CYFIP1: variants seen among roughly 807,000 people sequenced by gnomAD.
The protein encoded by CYFIP1 is cytoplasmic FMR1-interacting protein 1.
In CYFIP1, 58 loss-of-function variants were observed where a neutral mutation model predicts 163.5. That is an observed-to-expected ratio of 0.35 (90% CI 0.29 to 0.44). The LOEUF (loss-of-function observed/expected upper bound fraction) is 0.44, where lower values mean the gene tolerates loss of function less well. CYFIP1 is among the 20% of genes least tolerant of loss of function. The pLI, the probability that CYFIP1 is intolerant of heterozygous loss-of-function variation, is 1.00. For missense variants in CYFIP1, 1,338 were observed against 1,653.8 expected, an observed-to-expected ratio of 0.81 and a Z score of 3.31; for synonymous variants, 663 against 660.7, an observed-to-expected ratio of 1.00 and a Z score of -0.05.
chr15:22,893,040 A>C, intron 22 of CYFIP1, 63 bp from the exon 23 acceptor site: 7 of 1,237,940 alleles, frequency 5.7e-6, no homozygotes, highest in Non-Finnish European at 8.2e-6. Flanking sequence ...TTTAAAATTC[A>C]GAAGTCCTCC....
At chr15:22,977,092 G>A (rs192710352) in intron 1 of CYFIP1, among the ~76,000 whole-genome samples, 241 of 152,132 alleles carry the variant, frequency 1.6e-3, no homozygotes, top group Non-Finnish European at 2.4e-3. Context: ...CCAGCTACTC[G>A]GGAGGCTGAG....
Position 22,943,182 on chromosome 15 carries a change from G to A in CYFIP1, c.560C>T (p.Ala187Val). ...MKCSVKNDHS[A>V]YKRAAQFLRK... The stretch of plus-strand genomic sequence containing the variant: ...CGAGGTGGGTGCTCACCTCTTGTAC[G>A]CTGAGTGGTCGTTCTTCACACTGCA... Residue 187 changes from alanine to valine, a missense_variant, in exon 6 of 31, where the codon GCG becomes GTG. By Grantham distance (64) the Ala-to-Val change is moderately conservative. Around this residue, in one of 4 missense-constraint regions of CYFIP1, gnomAD observed 186 missense variants for 288.3 expected, o/e 0.65. Coordinates refer to ENST00000617928, the MANE Select transcript of CYFIP1 (RefSeq NM_014608.6). The A allele has an allele frequency of 2.5e-6, 4 of 1,614,046 alleles. No individual in the cohort carries two copies. Among genetic ancestry groups the A allele is most frequent in the Non-Finnish European group, 3.4e-6 (4 of 1,179,948 alleles).
chr15:22,903,855 G>T lies in CYFIP1; in HGVS notation c.2439C>A (p.Ser813Arg), dbSNP rs776420822. ...CGAAGCCGTCCAGCGTCAGGTACCG[G>T]CTCAGCAGCTTGTGGGTCATGCGGT... is the stretch of plus-strand genomic sequence containing the variant. The part of the protein sequence containing the change: ...EINRMTHKLL[S>R]RYLTLDGFDA... The change falls in exon 22 of 31, where the codon AGC becomes AGA. Residue 813 changes from serine to arginine, a missense_variant. Coordinates refer to ENST00000617928, the MANE Select transcript of CYFIP1 (RefSeq NM_014608.6). 1.1e-5 allele frequency: 17 copies of T among 1,614,068 alleles called. No individual in the cohort carries two copies. Among genetic ancestry groups the T allele is most frequent in the Non-Finnish European group, 1.4e-5 (17 of 1,180,042 alleles).
chr15:22,975,663 G>GCAGGAGA (rs2063245092), intron 1 of CYFIP1, among the ~76,000 whole-genome samples: 2 of 152,124 alleles, frequency 1.3e-5, no homozygotes, highest in African/African-American at 4.8e-5. Flanking sequence ...GGAGGCTGAG[G>GCAGGAGA]CAGGAGAATG....
intron 22 of CYFIP1, among the ~76,000 whole-genome samples, chr15:22,901,851 C>T (rs755298507): frequency 2.6e-5 from 4 of 152,238 alleles, no homozygotes; most frequent in Non-Finnish European, 5.9e-5. Flanking sequence ...TCCCAGATAA[C>T]ACAGCTCTCC....
intron 1 of CYFIP1, among the ~76,000 whole-genome samples, chr15:22,952,538 C>A (rs527505484): frequency 1.3e-5 from 2 of 151,088 alleles, no homozygotes; most frequent in South Asian, 4.2e-4. Context: ...GCCTGTAATC[C>A]CAGCTACTCA....
At chr15:22,897,069 C>T (rs1595542135) in intron 22 of CYFIP1, among the ~76,000 whole-genome samples, 1 of 151,976 alleles carries the variant, frequency 6.6e-6, no homozygotes, top group Non-Finnish European at 1.5e-5. Context: ...AAAAGTTAGC[C>T]AGGCGTGGTG....
Position 22,926,114 on chromosome 15 carries a change from T to C in CYFIP1, c.1234-7A>G. 1 of 1,614,104 alleles carries C rather than the reference T, an allele frequency of 6.2e-7. No individual in the cohort carries two copies. Among genetic ancestry groups the C allele is most frequent in the Middle Eastern group, 1.6e-4 (1 of 6,062 alleles). On this transcript the variant is annotated splice_polypyrimidine_tract_variant and splice_region_variant and intron_variant, in intron 12 of 30. Transcript: ENST00000617928. ...GCACAAGCTTCCAGGAATACTGTGG[T>C]GGCCGAAAGAGCAGAGGTGTTCCAT...
At chr15:22,875,923 G>A (rs1379304170) in intron 26 of CYFIP1, among the ~76,000 whole-genome samples, 1 of 123,456 alleles carries the variant, frequency 8.1e-6, no homozygotes, top group Non-Finnish European at 1.8e-5. Context: ...CCAGGATCAT[G>A]AGGACAGCAG....
chr15:22,870,949 T>C (rs901461925), intron 30 of CYFIP1, among the ~76,000 whole-genome samples: 1 of 152,092 alleles, frequency 6.6e-6, no homozygotes, highest in Admixed American at 6.5e-5. Context: ...TTTGAAAAGC[T>C]GGTTCTACCT....
In CYFIP1 at chr15:22,903,811, G is replaced by C. The variant is rs1595557665; in HGVS notation, c.2483C>G (p.Ala828Gly). 2 of 1,614,210 alleles carry C rather than the reference G, an allele frequency of 1.2e-6. No homozygotes were observed. Among genetic ancestry groups the C allele is most frequent in the African/African-American group, 2.7e-5 (2 of 75,054 alleles). The change falls in exon 22 of 31, where the codon GCC becomes GGC. Residue 828 changes from alanine (A) to glycine (G), a missense_variant. By Grantham distance (60) the Ala-to-Gly change is moderately conservative (BLOSUM62 0). Coordinates refer to ENST00000617928, the MANE Select transcript of CYFIP1 (RefSeq NM_014608.6). Reference sequence around the variant, plus strand: ...GTAGGGCGCTGACACGTTGTGGTTGGCCTCCCGGAACATGGCGTCGAAGCC... The same window carrying C: ...GTAGGGCGCTGACACGTTGTGGTTGCCCTCCCGGAACATGGCGTCGAAGCC... The part of the protein sequence containing the change: ...LDGFDAMFRE[A>G]NHNVSAPYGR...
intron 22 of CYFIP1, among the ~76,000 whole-genome samples, chr15:22,893,423 T>C (rs1051013719): frequency 3.9e-5 from 6 of 152,204 alleles, no homozygotes; most frequent in Non-Finnish European, 7.4e-5. Flanking sequence ...AGATTGTGTC[T>C]TGATAATGGA....
chr15:22,933,218 G>A (rs2142233715), intron 10 of CYFIP1, among the ~76,000 whole-genome samples: 1 of 152,194 alleles, frequency 6.6e-6, no homozygotes, highest in East Asian at 1.9e-4. Context: ...GATGATGAAA[G>A]TGTTCTGTAT....
At chr15:22,937,271 G>C in intron 8 of CYFIP1, 63 bp from the exon 9 acceptor site, 1 of 945,470 alleles carries the variant, frequency 1.1e-6, no homozygotes, top group Non-Finnish European at 1.7e-6. Context: ...CTACCCATAA[G>C]GACTTACACT....
intron 1 of CYFIP1, among the ~76,000 whole-genome samples, chr15:22,950,004 T>A (rs1315592894): frequency 2.0e-5 from 3 of 152,018 alleles, no homozygotes; most frequent in Non-Finnish European, 2.9e-5. Flanking sequence ...AAAAAAGCTA[T>A]CCAAAGCAAA....
At chr15:22,923,345 C>G (rs1418134501) in intron 13 of CYFIP1, among the ~76,000 whole-genome samples, 1 of 152,128 alleles carries the variant, frequency 6.6e-6, no homozygotes, top group Non-Finnish European at 1.5e-5. Flanking sequence ...AAATGGCCAA[C>G]AAGCACATAA....
rs1341298833 is a variant in CYFIP1 at position 22,868,302 on chromosome 15, A to AAAAG, written c.*1722_*1725dup. The stretch of plus-strand genomic sequence containing the variant: ...GTACCTACATCTGTGCTTTGTACAT[A>AAAAG]AAAGAACCAGTTTTCTCCCCCTTGA... On this transcript the variant is annotated 3_prime_UTR_variant, in exon 31 of 31. Coordinates refer to ENST00000617928, the MANE Select transcript of CYFIP1 (RefSeq NM_014608.6). 1 of 152,202 alleles carries AAAAG rather than the reference A, an allele frequency of 6.6e-6. No homozygotes were observed. The highest frequency in any genetic ancestry group is 1.5e-5 in the Non-Finnish European group (1 of 68,036). 9.4% of individuals were successfully genotyped at this position (152,202 alleles called of 1,614,324 possible).
Position 22,943,225 on chromosome 15 carries a change from C to T in CYFIP1, c.517G>A (p.Glu173Lys), listed in dbSNP as rs2061949216. 1 of 1,614,228 alleles carries T rather than the reference C, an allele frequency of 6.2e-7. No homozygotes were observed. Among genetic ancestry groups the T allele is most frequent in the Non-Finnish European group, 8.5e-7 (1 of 1,180,032 alleles). ...KFINMFAVLD[E>K]LKNMKCSVKN... ...ACACTGCACTTCATGTTCTTCAGCT[C>T]GTCCAGCACAGCGAACATGTTGATG... Residue 173 changes from glutamate (E) to lysine (K), a missense_variant, in exon 6 of 31, where the codon GAG (glutamate) becomes AAG (lysine). Transcript: ENST00000617928.
In CYFIP1 at chr15:22,867,445, C is replaced by T. The variant is rs1305340390; in HGVS notation, c.*2583G>A. On this transcript the variant is annotated 3_prime_UTR_variant, in exon 31 of 31. Coordinates refer to ENST00000617928, the MANE Select transcript of CYFIP1 (RefSeq NM_014608.6). ...ACGATTTCTCAGGTTGAGATGATCA[C>T]CGTGAATCCGGCTTCCTCTGAGCAT... 8.5e-6 allele frequency: 3 copies of T among 354,578 alleles called. No homozygotes were observed. Among genetic ancestry groups the T allele is most frequent in the African/African-American group, 6.3e-5 (3 of 47,662 alleles). 22.0% of individuals were successfully genotyped at this position (354,578 alleles called of 1,614,324 possible).
Sources: allele counts gnomAD v4.1 joint callset (sites outside exome capture counted in the v4.1 genomes callset), GRCh38; gene constraint gnomAD v4.1.1; regional missense constraint gnomAD v4.1.1; transcripts MANE v1.5; gene names NCBI Gene and HGNC (gene_info 2026-07-23, HGNC 2026-07-21).